Variants in ARHGAP15 observed in about 807,000 individuals in gnomAD.
The protein encoded by ARHGAP15 is Rho GTPase activating protein 15, also known as rho GTPase-activating protein 15.
In ARHGAP15, 51 loss-of-function variants were observed where a neutral mutation model predicts 63.7. That is an observed-to-expected ratio of 0.80 (90% CI 0.64 to 1.01). The LOEUF (loss-of-function observed/expected upper bound fraction) is 1.01. Ranked by LOEUF, ARHGAP15 falls within the 50% of genes least tolerant of loss-of-function variation. ARHGAP15 has a pLI of 0.00. For missense variants in ARHGAP15, 560 were observed against 564.6 expected (o/e 0.99, Z 0.08); for synonymous variants, 191 against 193.8 (o/e 0.99, Z 0.12).
chr2:143,632,631 A>G (rs1444387697), intron 12 of ARHGAP15, among the ~76,000 whole-genome samples: 3 of 152,182 alleles, frequency 2.0e-5, no homozygotes, highest in Admixed American at 2.0e-4. Context: ...AACGGAACTC[A>G]TATCCCTGTC....
intron 1 of ARHGAP15, among the ~76,000 whole-genome samples, chr2:143,129,689 G>T (rs1302693271): frequency 6.6e-6 from 1 of 152,108 alleles, no homozygotes; most frequent in African/African-American, 2.4e-5. Context: ...ATAATAAGAT[G>T]ATTTGCTAAG....
intron 2 of ARHGAP15, among the ~76,000 whole-genome samples, chr2:143,190,607 G>A (rs978223019): frequency 6.6e-6 from 1 of 152,142 alleles, no homozygotes; most frequent in African/African-American, 2.4e-5. Context: ...TTTGTCTCAT[G>A]AAGGTCTGGG....
intron 11 of ARHGAP15, among the ~76,000 whole-genome samples, chr2:143,602,892 G>C (rs998987017): frequency 6.6e-6 from 1 of 152,234 alleles, no homozygotes; most frequent in East Asian, 1.9e-4. Context: ...CGGGGTGTGT[G>C]TCTCTCCTTA....
chr2:143,675,280 T>G (rs902539712), intron 12 of ARHGAP15, among the ~76,000 whole-genome samples: 1 of 152,168 alleles, frequency 6.6e-6, no homozygotes, highest in Non-Finnish European at 1.5e-5. Flanking sequence ...TACAGTCACT[T>G]CCTCCACTGA....
chr2:143,632,648 T>A (rs1418338486), intron 12 of ARHGAP15, among the ~76,000 whole-genome samples: 2 of 152,134 alleles, frequency 1.3e-5, no homozygotes, highest in African/African-American at 4.8e-5. Context: ...TGTCTATACA[T>A]CAGTCACATC....
intron 3 of ARHGAP15, among the ~76,000 whole-genome samples, chr2:143,213,106 C>G (rs1692619246): frequency 6.6e-6 from 1 of 152,118 alleles, no homozygotes; most frequent in African/African-American, 2.4e-5. Context: ...TACAATTGTC[C>G]TATTAATCTT....
intron 12 of ARHGAP15, among the ~76,000 whole-genome samples, chr2:143,632,624 G>A (rs535966960): frequency 2.2e-4 from 34 of 152,146 alleles, no homozygotes; most frequent in African/African-American, 6.5e-4. Context: ...GTGCCTAAAC[G>A]GAACTCATAT....
intron 6 of ARHGAP15, among the ~76,000 whole-genome samples, chr2:143,310,702 CTTTA>C (rs986956023): frequency 6.6e-6 from 1 of 152,064 alleles, no homozygotes. Context: ...AATTTACATA[CTTTA>C]TTTACTTTCT....
chr2:143,151,904 G>T (rs1304384635), intron 1 of ARHGAP15, among the ~76,000 whole-genome samples: 1 of 151,960 alleles, frequency 6.6e-6, no homozygotes, highest in East Asian at 2.0e-4. Context: ...GCAGTCACAG[G>T]TCCCACAGCC....
chr2:143,258,833 T>C (rs1680560819), intron 6 of ARHGAP15, among the ~76,000 whole-genome samples: 1 of 152,142 alleles, frequency 6.6e-6, no homozygotes, highest in African/African-American at 2.4e-5. Flanking sequence ...CTCAGCCTCA[T>C]CAATTTACCT....
chr2:143,725,158 T>C (rs577640770), intron 13 of ARHGAP15, among the ~76,000 whole-genome samples: 2 of 152,380 alleles, frequency 1.3e-5, no homozygotes, highest in African/African-American at 4.8e-5. Flanking sequence ...CAGAACCTTC[T>C]ATACTCCATC....
At chr2:143,154,856 C>A (rs1309515263) in intron 1 of ARHGAP15, among the ~76,000 whole-genome samples, 1 of 151,848 alleles carries the variant, frequency 6.6e-6, no homozygotes, top group Admixed American at 6.6e-5. Context: ...ATAAATGGTG[C>A]TGATTTTTTT....
chr2:143,277,995 C>A (rs928741492), intron 6 of ARHGAP15, among the ~76,000 whole-genome samples: 25 of 152,050 alleles, frequency 1.6e-4, no homozygotes, highest in Non-Finnish European at 2.4e-4. Context: ...GAAAACAATT[C>A]CCTCCAGGTT....
At chr2:143,595,365 A>G (rs777746045) in intron 11 of ARHGAP15, among the ~76,000 whole-genome samples, 17 of 152,124 alleles carry the variant, frequency 1.1e-4, no homozygotes, top group Non-Finnish European at 2.2e-4. Context: ...TCCAAAATGC[A>G]TTATACTAAA....
intron 6 of ARHGAP15, among the ~76,000 whole-genome samples, chr2:143,370,076 G>A (rs1220718591): frequency 6.6e-6 from 1 of 151,986 alleles, no homozygotes; most frequent in East Asian, 1.9e-4. Context: ...GTTCTTCTTT[G>A]GTGCAAAAGA....
In ARHGAP15 at chr2:143,135,139, C is replaced by T. The variant is rs537139699; in HGVS notation, c.-15+5673C>T. ...ACAGAAGAGAGAGCACTTTAATGAG[C>T]GTGAATGCAGATGAATTGGATATAA... On this transcript the variant is annotated intron_variant, in intron 1 of 13. Coordinates refer to ENST00000295095, the MANE Select transcript of ARHGAP15 (RefSeq NM_018460.4). Among the ~76,000 whole-genome samples the T allele has an allele frequency of 1.1e-4, 17 of 152,086 alleles. No individual in the cohort carries two copies. In the East Asian group the frequency reaches 1.5e-3, roughly 14 times the overall value.
rs114520719 is a variant in ARHGAP15 at position 143,520,899 on chromosome 2, C to T, written c.925+1535C>T. ...GCGCTCCATTCCTCCCGATTTATGT[C>T]TCCACCCTAGGCAAAACGAAAAACT... is the stretch of plus-strand genomic sequence containing the variant. On this transcript the variant is annotated intron_variant, in intron 10 of 13. Transcript: ENST00000295095. Among the ~76,000 whole-genome samples the T allele has an allele frequency of 6.7e-3, 1,018 of 152,268 alleles. 10 individuals carry two copies. Among genetic ancestry groups the T allele is most frequent in the African/African-American group, 0.023 (942 of 41,550 alleles).
At position 143,235,242 on chromosome 2, in the gene ARHGAP15, G is replaced by GTT. The variant is rs11447778; in HGVS notation, c.384+6588_384+6589dup. Among the ~76,000 whole-genome samples, 1,023 of 135,994 alleles carry GTT rather than the reference G, an allele frequency of 7.5e-3. 17 individuals are homozygous for GTT. Among genetic ancestry groups the GTT allele is most frequent in the African/African-American group, 0.02 (735 of 37,440 alleles). The allele number at this position is 135,994 out of a possible 152,430, so 89.2% of individuals were successfully genotyped here. A position where few individuals can be genotyped will look rare whatever the true frequency, so the allele number is the denominator to read the frequency against. On this transcript the variant is annotated intron_variant, in intron 5 of 13. Transcript: ENST00000295095. ...ATGAAATAAGAAACATAGTAGAGTT[G>GTT]TTTTTTTTTTTTTTTCCACTGAGAT...
intron 10 of ARHGAP15, among the ~76,000 whole-genome samples, chr2:143,529,287 C>G (rs573371159): frequency 6.6e-6 from 1 of 152,226 alleles, no homozygotes; most frequent in East Asian, 1.9e-4. Flanking sequence ...ATTCACCAAG[C>G]CTCATGAGCT....
Sources: allele counts gnomAD v4.1 joint callset (sites outside exome capture counted in the v4.1 genomes callset), GRCh38; gene constraint gnomAD v4.1.1; transcripts MANE v1.5; gene names NCBI Gene and HGNC (gene_info 2026-07-23, HGNC 2026-07-21).